BTBD9: variants seen among roughly 807,000 people sequenced by gnomAD.
BTBD9 encodes the protein BTB domain containing 9.
BTBD9 carries 49 observed loss-of-function variants against 64.3 expected under a neutral mutation model. That is an observed-to-expected ratio of 0.76 (90% CI 0.61 to 0.97). The LOEUF (loss-of-function observed/expected upper bound fraction) is 0.97. Among genes scored for constraint, BTBD9 ranks in the 50% least tolerant of loss-of-function variants. The pLI is 0.00. For missense variants in BTBD9, 598 were observed against 762.1 expected, an observed-to-expected ratio of 0.78 and a Z score of 2.53; for synonymous variants, 260 against 274.7, an observed-to-expected ratio of 0.95 and a Z score of 0.53.
At chr6:38,374,079 T>A (rs1029509713) in intron 6 of BTBD9, among the ~76,000 whole-genome samples, 25 of 150,896 alleles carry the variant, frequency 1.7e-4, no homozygotes, top group Non-Finnish European at 2.9e-4. Context: ...AAGACCAGCC[T>A]GGCCAACATG....
chr6:38,530,048 A>G (rs1773717973), intron 6 of BTBD9, among the ~76,000 whole-genome samples: 1 of 152,134 alleles, frequency 6.6e-6, no homozygotes, highest in Admixed American at 6.5e-5. Context: ...AAAGGAATGC[A>G]TTCCTGGGGA....
intron 7 of BTBD9, among the ~76,000 whole-genome samples, chr6:38,297,836 G>C (rs1481949967): frequency 1.4e-5 from 2 of 145,096 alleles, no homozygotes; most frequent in Middle Eastern, 3.5e-3. Context: ...TTCTGCTCCA[G>C]TTTTCTTTTT....
intron 9 of BTBD9, among the ~76,000 whole-genome samples, chr6:38,246,571 C>T (rs771740810): frequency 6.6e-6 from 1 of 150,632 alleles, no homozygotes; most frequent in Non-Finnish European, 1.5e-5. Flanking sequence ...TTCTAAAGCT[C>T]TTGACAAAAT....
At chr6:38,273,889 T>C (rs1044414279) in intron 8 of BTBD9, among the ~76,000 whole-genome samples, 2 of 152,226 alleles carry the variant, frequency 1.3e-5, no homozygotes, top group Non-Finnish European at 2.9e-5. Context: ...GGCCTCCTTC[T>C]AGGTTGTAGT....
At chr6:38,507,828 ATTTTTTTTTTTT>A (rs34808509) in intron 6 of BTBD9, among the ~76,000 whole-genome samples, 1 of 125,428 alleles carries the variant, frequency 8.0e-6, no homozygotes, top group Non-Finnish European at 1.7e-5. Context: ...TGTCTCCCAA[ATTTTTTTTTTTT>A]TTTTTTTTTT....
intron 6 of BTBD9, among the ~76,000 whole-genome samples, chr6:38,435,414 G>A (rs1375145777): frequency 1.3e-5 from 2 of 151,568 alleles, no homozygotes; most frequent in South Asian, 2.1e-4. Flanking sequence ...GCAGAGAATC[G>A]CTTGAACCTG....
intron 6 of BTBD9, among the ~76,000 whole-genome samples, chr6:38,414,084 A>C (rs1767557804): frequency 6.6e-6 from 1 of 152,184 alleles, no homozygotes; most frequent in Admixed American, 6.5e-5. Flanking sequence ...AAAGTTTCAC[A>C]GAAGTTTAGG....
At chr6:38,268,516 A>T (rs1270964975) in intron 8 of BTBD9, among the ~76,000 whole-genome samples, 1 of 152,262 alleles carries the variant, frequency 6.6e-6, no homozygotes, top group Non-Finnish European at 1.5e-5. Context: ...ATGTTCCAGC[A>T]GGGATGAACG....
intron 6 of BTBD9, among the ~76,000 whole-genome samples, chr6:38,495,661 C>T (rs1419903675): frequency 6.6e-6 from 1 of 151,298 alleles, no homozygotes; most frequent in Non-Finnish European, 1.5e-5. Flanking sequence ...CACCACAGAA[C>T]TCTATACAGC....
At chr6:38,629,185 T>C (rs1246478011) in intron 1 of BTBD9, among the ~76,000 whole-genome samples, 1 of 152,220 alleles carries the variant, frequency 6.6e-6, no homozygotes, top group Non-Finnish European at 1.5e-5. Context: ...GAAATCTTCA[T>C]TTGGCAACAA....
At chr6:38,341,234 T>C (rs970057104) in intron 7 of BTBD9, among the ~76,000 whole-genome samples, 19 of 152,152 alleles carry the variant, frequency 1.2e-4, no homozygotes, top group South Asian at 2.1e-4. Flanking sequence ...ATTAGGGAAA[T>C]TGGAACACTG....
intron 6 of BTBD9, among the ~76,000 whole-genome samples, chr6:38,564,639 A>G (rs1775402710): frequency 6.6e-6 from 1 of 152,158 alleles, no homozygotes; most frequent in Non-Finnish European, 1.5e-5. Context: ...CTGTAATCCC[A>G]GCACTTTGGG....
intron 6 of BTBD9, among the ~76,000 whole-genome samples, chr6:38,523,043 C>T (rs1430231184): frequency 2.6e-5 from 4 of 152,090 alleles, no homozygotes; most frequent in African/African-American, 7.2e-5. Context: ...ATTAGCCAGG[C>T]GTGGTGGCAC....
intron 6 of BTBD9, among the ~76,000 whole-genome samples, chr6:38,533,955 C>T (rs1773904493): frequency 6.6e-6 from 1 of 151,824 alleles, no homozygotes; most frequent in Non-Finnish European, 1.5e-5. Context: ...AGTAAACAAC[C>T]TAATGATGCA....
intron 7 of BTBD9, among the ~76,000 whole-genome samples, chr6:38,300,118 C>CTTT (rs952540517): frequency 2.6e-5 from 4 of 152,154 alleles, no homozygotes; most frequent in African/African-American, 9.7e-5. Flanking sequence ...ATAGGGAATC[C>CTTT]TTTCCCCATT....
chr6:38,232,685 G>C (rs1444194746), intron 9 of BTBD9, among the ~76,000 whole-genome samples: 1 of 139,908 alleles, frequency 7.1e-6, no homozygotes, highest in East Asian at 2.1e-4. Context: ...TTTTTTTGAA[G>C]ATAAGGTCTC....
At chr6:38,189,494 A>AT (rs1284837136) in intron 10 of BTBD9, among the ~76,000 whole-genome samples, 3 of 152,054 alleles carry the variant, frequency 2.0e-5, no homozygotes, top group South Asian at 2.1e-4. Flanking sequence ...TTTATTGTAC[A>AT]TTTTTTGTTT....
chr6:38,258,481 G>C (rs193102227), intron 8 of BTBD9, among the ~76,000 whole-genome samples: 1 of 152,184 alleles, frequency 6.6e-6, no homozygotes, highest in Non-Finnish European at 1.5e-5. Flanking sequence ...CATAGATAGT[G>C]AGCTCCTTGA....
At chr6:38,306,076 T>G (rs1340550905) in intron 7 of BTBD9, among the ~76,000 whole-genome samples, 1 of 152,242 alleles carries the variant, frequency 6.6e-6, no homozygotes, top group Non-Finnish European at 1.5e-5. Flanking sequence ...TATATCTGAA[T>G]GCAGCACACA....
Sources: gnomAD v4.1 joint callset for allele counts (sites outside exome capture counted in the v4.1 genomes callset) on GRCh38, gnomAD v4.1.1 for gene constraint, MANE v1.5 for transcripts, NCBI Gene and HGNC (gene_info 2026-07-23, HGNC 2026-07-21) for gene names.